The following UNC5D variants were observed in gnomAD, a reference collection of about 807,000 sequenced individuals.
The protein encoded by UNC5D is unc-5 netrin receptor D.
Under a neutral mutation model 105.4 loss-of-function variants are expected in UNC5D, and 39 were observed. The ratio of observed to expected loss-of-function variants is 0.37; its 90% CI spans 0.29 to 0.48. UNC5D has a LOEUF of 0.48. UNC5D is among the 20% of genes least tolerant of loss of function. The pLI is 0.98. For synonymous variants in UNC5D, 452 were observed against 450.4 expected, an observed-to-expected ratio of 1.00 and a Z score of -0.04; for missense variants, 991 against 1,202.4, an observed-to-expected ratio of 0.82 and a Z score of 2.60.
intron 13 of UNC5D, 43 bp from the exon 14 acceptor site, chr8:35,759,277 G>T (rs201448029): frequency 2.9e-5 from 46 of 1,600,784 alleles, no homozygotes; most frequent in Non-Finnish European, 3.8e-5. Context: ...TAAGTAGCAG[G>T]ATATTTCATT....
At chr8:35,358,028 C>G (rs936092474) in intron 1 of UNC5D, among the ~76,000 whole-genome samples, 4 of 152,098 alleles carry the variant, frequency 2.6e-5, no homozygotes, top group African/African-American at 7.2e-5. Context: ...ATATTTATAT[C>G]AAATTTGGAG....
At chr8:35,761,307 G>A (rs1345264073) in intron 14 of UNC5D, among the ~76,000 whole-genome samples, 1 of 151,944 alleles carries the variant, frequency 6.6e-6, no homozygotes, top group East Asian at 1.9e-4. Context: ...GGTCCAAAGT[G>A]AACTATTAAG....
chr8:35,386,411 A>G (rs1229611715), intron 1 of UNC5D, among the ~76,000 whole-genome samples: 1 of 152,248 alleles, frequency 6.6e-6, no homozygotes, highest in Non-Finnish European at 1.5e-5. Flanking sequence ...TTGACTTTCT[A>G]AAAGTACCTT....
intron 8 of UNC5D, among the ~76,000 whole-genome samples, chr8:35,714,881 G>T (rs1312379145): frequency 6.6e-6 from 1 of 152,116 alleles, no homozygotes; most frequent in Non-Finnish European, 1.5e-5. Flanking sequence ...GCCAGGCGCA[G>T]TGGCTCACGC....
intron 1 of UNC5D, among the ~76,000 whole-genome samples, chr8:35,413,107 C>A (rs1446604145): frequency 6.6e-6 from 1 of 151,998 alleles, no homozygotes; most frequent in East Asian, 1.9e-4. Context: ...CAAAGTTTGC[C>A]AGTAACTGGT....
intron 1 of UNC5D, among the ~76,000 whole-genome samples, chr8:35,455,138 T>G (rs1427248299): frequency 6.6e-6 from 1 of 152,188 alleles, no homozygotes; most frequent in Non-Finnish European, 1.5e-5. Flanking sequence ...CATCAACCTG[T>G]CTGTCATCTG....
intron 16 of UNC5D, among the ~76,000 whole-genome samples, chr8:35,776,983 C>T (rs529356017): frequency 9.9e-5 from 15 of 152,156 alleles, no homozygotes; most frequent in African/African-American, 3.1e-4. Context: ...TAGCCGGGTG[C>T]GGTGGCTCAT....
intron 2 of UNC5D, among the ~76,000 whole-genome samples, chr8:35,558,230 T>C (rs932071839): frequency 1.7e-4 from 26 of 150,954 alleles, no homozygotes; most frequent in African/African-American, 6.1e-4. Flanking sequence ...CCTAACAGAG[T>C]GACAGACACA....
intron 1 of UNC5D, among the ~76,000 whole-genome samples, chr8:35,472,289 G>A (rs1156651648): frequency 2.0e-5 from 3 of 152,182 alleles, no homozygotes; most frequent in Non-Finnish European, 4.4e-5. Context: ...GGTTTGGTGA[G>A]CATCAGTTTA....
intron 16 of UNC5D, among the ~76,000 whole-genome samples, chr8:35,782,360 A>G (rs555880534): frequency 1.7e-4 from 26 of 152,186 alleles, no homozygotes; most frequent in Admixed American, 9.2e-4. Flanking sequence ...TAGCAGAGAT[A>G]TTAATATTTT....
intron 1 of UNC5D, among the ~76,000 whole-genome samples, chr8:35,475,230 C>A (rs1810001270): frequency 6.6e-6 from 1 of 152,066 alleles, no homozygotes; most frequent in South Asian, 2.1e-4. Flanking sequence ...ATTGAGGGGA[C>A]CCCAATGAGA....
intron 1 of UNC5D, among the ~76,000 whole-genome samples, chr8:35,272,020 G>A (rs1422841036): frequency 6.6e-6 from 1 of 151,968 alleles, no homozygotes; most frequent in Non-Finnish European, 1.5e-5. Flanking sequence ...TTGGTTAGGT[G>A]TAACATATGG....
intron 2 of UNC5D, among the ~76,000 whole-genome samples, chr8:35,566,293 C>T (rs1002373292): frequency 5.9e-5 from 9 of 152,086 alleles, no homozygotes; most frequent in South Asian, 2.1e-4. Flanking sequence ...TGGAAGGGAA[C>T]GTTTCCCCAG....
Position 35,311,955 on chromosome 8 carries a change from C to A in UNC5D, c.103+76068C>A, listed in dbSNP as rs554223104. On this transcript the variant is annotated intron_variant, in intron 1 of 16. Coordinates refer to ENST00000404895, the MANE Select transcript of UNC5D (RefSeq NM_080872.4). ...TATTTCCATCTGTTTCCTAGAATAA[C>A]GGGAAAAAAAAGAACACCTCCCACT... 2.0e-5 allele frequency among the ~76,000 whole-genome samples: 3 copies of A among 151,938 alleles called. No individual in the cohort carries two copies. In the East Asian group the frequency reaches 5.8e-4, roughly 29 times the overall value.
intron 1 of UNC5D, among the ~76,000 whole-genome samples, chr8:35,374,724 T>C (rs185099427): frequency 1.6e-4 from 24 of 152,368 alleles, no homozygotes; most frequent in African/African-American, 5.8e-4. Flanking sequence ...GGATCTTCAT[T>C]GGTTCAGACC....
intron 1 of UNC5D, among the ~76,000 whole-genome samples, chr8:35,502,132 C>G (rs1470931964): frequency 1.3e-5 from 2 of 152,128 alleles, no homozygotes; most frequent in African/African-American, 4.8e-5. Flanking sequence ...CTCCCATAGC[C>G]AATTATAAAC....
intron 1 of UNC5D, among the ~76,000 whole-genome samples, chr8:35,253,477 T>C (rs1803853841): frequency 7.1e-6 from 1 of 140,626 alleles, no homozygotes; most frequent in Non-Finnish European, 1.5e-5. Flanking sequence ...TATTTCCTTT[T>C]TTTTTTTTTT....
intron 1 of UNC5D, among the ~76,000 whole-genome samples, chr8:35,434,476 C>T (rs1316972393): frequency 6.6e-6 from 1 of 151,968 alleles, no homozygotes; most frequent in Non-Finnish European, 1.5e-5. Flanking sequence ...AAACTTCTCA[C>T]CTGGAAATGT....
At chr8:35,773,576 A>G (rs1802100656) in intron 15 of UNC5D, among the ~76,000 whole-genome samples, 1 of 152,144 alleles carries the variant, frequency 6.6e-6, no homozygotes, top group Non-Finnish European at 1.5e-5. Flanking sequence ...ATTCACCATT[A>G]GTTATGACTA....
Sources: allele counts gnomAD v4.1 joint callset (sites outside exome capture counted in the v4.1 genomes callset), GRCh38; gene constraint gnomAD v4.1.1; transcripts MANE v1.5; gene names NCBI Gene and HGNC (gene_info 2026-07-23, HGNC 2026-07-21).